NCKAP5: variants seen among roughly 807,000 people sequenced by gnomAD.
NCKAP5 encodes the protein NCK associated protein 5.
NCKAP5 carries 92 observed loss-of-function variants against 167.0 expected under a neutral mutation model. The ratio of observed to expected loss-of-function variants is 0.55; its 90% CI spans 0.47 to 0.66. NCKAP5 has a LOEUF of 0.66. NCKAP5 is among the 30% of genes least tolerant of loss of function. The pLI is 0.00. For missense variants in NCKAP5, 2,378 were observed against 2,315.0 expected (o/e 1.03, Z -0.56); for synonymous variants, 891 against 877.4 (o/e 1.02, Z -0.27).
intron 9 of NCKAP5, among the ~76,000 whole-genome samples, chr2:132,870,580 TTATAA>T: frequency 6.6e-6 from 1 of 152,124 alleles, no homozygotes; most frequent in Non-Finnish European, 1.5e-5. Flanking sequence ...AAAAACACAA[TTATAA>T]CACAGTGTGA....
At chr2:132,895,272 G>C (rs544692265) in intron 8 of NCKAP5, among the ~76,000 whole-genome samples, 3 of 150,832 alleles carry the variant, frequency 2.0e-5, no homozygotes, top group Non-Finnish European at 4.4e-5. Context: ...CGGAGTTTGC[G>C]GTGAGCCGAG....
intron 8 of NCKAP5, among the ~76,000 whole-genome samples, chr2:132,906,321 G>T (rs926909372): frequency 1.3e-5 from 2 of 152,120 alleles, no homozygotes; most frequent in Non-Finnish European, 2.9e-5. Flanking sequence ...TTAACTAGAT[G>T]TGGGACAAAT....
At position 132,782,407 on chromosome 2, in the gene NCKAP5, G is replaced by A; in HGVS notation, c.4404C>T (p.Leu1468=). ...TGACCTTTTCTTCGATTGTGGGTGA[G>A]AGGGGGGCTTCTGAACTCACAGCAT... ...ATDAVSSEAP[L]SPTIEEKVML... Residue 1468 remains leucine, a synonymous_variant, in exon 14 of 20, where the codon CTC becomes CTT. Transcript: ENST00000409261. The A allele has an allele frequency of 6.2e-7, 1 of 1,614,060 alleles. No homozygotes were observed. The highest frequency in any genetic ancestry group is 1.3e-5 in the African/African-American group (1 of 75,062).
intron 4 of NCKAP5, among the ~76,000 whole-genome samples, chr2:133,282,923 G>A (rs1001597196): frequency 2.9e-4 from 44 of 152,172 alleles, no homozygotes; most frequent in Non-Finnish European, 7.3e-5. Context: ...TCATCCATAT[G>A]TATTAAAACA....
chr2:133,400,927 T>C (rs1688059406), intron 3 of NCKAP5, among the ~76,000 whole-genome samples: 1 of 152,156 alleles, frequency 6.6e-6, no homozygotes, highest in South Asian at 2.1e-4. Context: ...GTGATACGAA[T>C]GAGGGCAGCA....
intron 6 of NCKAP5, among the ~76,000 whole-genome samples, chr2:133,078,293 G>A (rs900125917): frequency 1.3e-5 from 2 of 152,178 alleles, no homozygotes; most frequent in African/African-American, 4.8e-5. Context: ...GTGGATGCTT[G>A]GAGCTGCAGG....
intron 2 of NCKAP5, among the ~76,000 whole-genome samples, chr2:133,525,424 T>C (rs1293413134): frequency 2.0e-5 from 3 of 152,206 alleles, no homozygotes; most frequent in African/African-American, 7.2e-5. Context: ...TAAATGGCTA[T>C]GGCCAACACA....
At chr2:132,750,705 G>A (rs1680037791) in intron 16 of NCKAP5, among the ~76,000 whole-genome samples, 1 of 152,168 alleles carries the variant, frequency 6.6e-6, no homozygotes, top group African/African-American at 2.4e-5. Flanking sequence ...AGAGTTTCTA[G>A]GAAGTAGAAA....
At chr2:133,616,222 T>G in the NCKAP5 span, among the ~76,000 whole-genome samples, 1 of 147,082 alleles carries the variant, frequency 6.8e-6, no homozygotes, top group East Asian at 2.0e-4. Context: ...ATTGACACCC[T>G]AACATCACAA....
intron 8 of NCKAP5, among the ~76,000 whole-genome samples, chr2:132,883,236 ACG>A (rs1491124862): frequency 6.7e-6 from 1 of 150,278 alleles, no homozygotes; most frequent in East Asian, 2.0e-4. Flanking sequence ...ACACACACAC[ACG>A]ACACCCACCA....
intron 3 of NCKAP5, among the ~76,000 whole-genome samples, chr2:133,514,105 A>G (rs1023103407): frequency 1.3e-5 from 2 of 152,204 alleles, no homozygotes; most frequent in African/African-American, 2.4e-5. Context: ...TCGTTATCAG[A>G]GAGTAGACTG....
chr2:133,043,551 T>C (rs1455331622), intron 6 of NCKAP5, among the ~76,000 whole-genome samples: 1 of 152,134 alleles, frequency 6.6e-6, no homozygotes, highest in Non-Finnish European at 1.5e-5. Context: ...ACTCATTATG[T>C]TTTAAGAAAG....
intron 3 of NCKAP5, among the ~76,000 whole-genome samples, chr2:133,508,683 T>G (rs1683230783): frequency 6.6e-6 from 1 of 152,184 alleles, no homozygotes; most frequent in Non-Finnish European, 1.5e-5. Flanking sequence ...CTAGAGAGTC[T>G]GCCATGGGAA....
chr2:133,527,545 A>G (rs1685024237), intron 2 of NCKAP5, among the ~76,000 whole-genome samples: 1 of 152,020 alleles, frequency 6.6e-6, no homozygotes, highest in Non-Finnish European at 1.5e-5. Context: ...ATCAAGATTA[A>G]GAGATTAAAC....
chr2:133,606,543 C>G, the NCKAP5 span, among the ~76,000 whole-genome samples: 9 of 152,170 alleles, frequency 5.9e-5, no homozygotes, highest in African/African-American at 2.2e-4. Context: ...GAACTGGTGA[C>G]TGACCATGCC....
intron 8 of NCKAP5, among the ~76,000 whole-genome samples, chr2:132,944,795 C>T (rs538450441): frequency 6.6e-6 from 1 of 152,258 alleles, no homozygotes; most frequent in South Asian, 2.1e-4. Flanking sequence ...GAAAATGACT[C>T]TAAGGACATT....
At chr2:133,034,694 T>G (rs1340010195) in intron 6 of NCKAP5, among the ~76,000 whole-genome samples, 2 of 152,070 alleles carry the variant, frequency 1.3e-5, no homozygotes, top group African/African-American at 4.8e-5. Flanking sequence ...TAAGTTGTTA[T>G]CAGGTTAAAG....
intron 3 of NCKAP5, among the ~76,000 whole-genome samples, chr2:133,474,540 G>A (rs995050280): frequency 7.2e-5 from 11 of 152,002 alleles, no homozygotes; most frequent in Non-Finnish European, 1.5e-4. Context: ...AATTGATAAG[G>A]GAATAGATTT....
rs138561170 is a variant in NCKAP5, at chr2:132,783,429, G to A, written c.3382C>T (p.His1128Tyr). 1.3e-6 allele frequency: 2 copies of A among 1,586,686 alleles called. No homozygotes were observed. Among genetic ancestry groups the A allele is most frequent in the African/African-American group, 1.3e-5 (1 of 74,182 alleles). ...SSSSSSPAKS[H>Y]NSPHGCQSAH... Reference sequence around the variant, plus strand: ...CTTTGACAACCATGAGGGCTGTTATGGCTTTTGGCGGGTGATGAGGATGAT... The same window carrying A: ...CTTTGACAACCATGAGGGCTGTTATAGCTTTTGGCGGGTGATGAGGATGAT... The change falls in exon 14 of 20, where the codon CAT becomes TAT. Residue 1128 changes from histidine to tyrosine, a missense_variant. Around this residue, in one of 3 missense-constraint regions of NCKAP5, gnomAD observed 1,325 missense variants for 1,274.5 expected, o/e 1.04. Transcript: ENST00000409261.
Sources: gnomAD v4.1 joint callset for allele counts (sites outside exome capture counted in the v4.1 genomes callset) on GRCh38, gnomAD v4.1.1 for gene constraint, gnomAD v4.1.1 regional missense constraint, MANE v1.5 for transcripts, NCBI Gene and HGNC (gene_info 2026-07-23, HGNC 2026-07-21) for gene names.